The following HDLBP variants were observed in gnomAD, a reference collection of about 807,000 sequenced individuals.
HDLBP encodes the protein vigilin.
Under a neutral mutation model 137.3 loss-of-function variants are expected in HDLBP, and 30 were observed. That is an observed-to-expected ratio of 0.22 (90% CI 0.16 to 0.30). HDLBP has a LOEUF of 0.30. HDLBP is among the 10% of genes least tolerant of loss of function. The pLI, the probability that HDLBP is intolerant of heterozygous loss-of-function variation, is 1.00. For missense variants in HDLBP, 1,119 were observed against 1,667.3 expected (o/e 0.67, Z 5.73); for synonymous variants, 606 against 596.0 (o/e 1.02, Z -0.24).
intron 14 of HDLBP, chr2:241,247,509 A>G: frequency 3.4e-6 from 1 of 291,662 alleles, no homozygotes; most frequent in African/African-American, 2.1e-5. Context: ...GGAGTCCTTC[A>G]CCATCGCCTC....
Position 241,272,534 on chromosome 2 carries a change from G to A in HDLBP, c.-102-3993C>T, listed in dbSNP as rs1475945132. ...CTCCGCGCCACGGCCACGCGCAGAA[G>A]AGACTCGGAGCCGGCCCCAGGTCTG... On this transcript the variant is annotated intron_variant, in intron 1 of 27. Coordinates refer to ENST00000310931, the MANE Select transcript of HDLBP (RefSeq NM_005336.6). The surrounding 1 kb of genome is among the most constrained non-coding windows in gnomAD (Gnocchi z 5.6). 2.0e-6 allele frequency: 2 copies of A among 984,602 alleles called. No individual in the cohort carries two copies. The highest frequency in any genetic ancestry group is 5.2e-4 in the Middle Eastern group (1 of 1,912). The allele number at this position is 984,602 out of a possible 1,614,324, so 61.0% of individuals were successfully genotyped here. A position where few individuals can be genotyped will look rare whatever the true frequency, so the allele number is the denominator to read the frequency against.
chr2:241,305,627 A>G (rs2075543551), intron 1 of HDLBP, among the ~76,000 whole-genome samples: 1 of 152,234 alleles, frequency 6.6e-6, no homozygotes, highest in South Asian at 2.1e-4. Flanking sequence ...GTAGGTCACG[A>G]CAACCACAAA....
At chr2:241,302,522 G>A (rs535969872) in intron 1 of HDLBP, 19 of 152,342 alleles carry the variant, frequency 1.2e-4, no homozygotes, top group Admixed American at 1.2e-3. Context: ...CAGCCTGGGC[G>A]ACAGACTGAG....
intron 21 of HDLBP, 78 bp downstream of exon 21, chr2:241,236,537 C>G (rs138522347): frequency 6.8e-7 from 1 of 1,471,464 alleles, no homozygotes; most frequent in Non-Finnish European, 9.4e-7. Flanking sequence ...CCGTCCATCC[C>G]ATCCAGGCCA....
At chr2:241,232,731 T>G (rs1025927177) in intron 24 of HDLBP, among the ~76,000 whole-genome samples, 3 of 152,030 alleles carry the variant, frequency 2.0e-5, no homozygotes, top group Non-Finnish European at 2.9e-5. Flanking sequence ...CGAGAATCAC[T>G]TCAACCCGGG....
At chr2:241,261,208 A>AAAT (rs1157033185) in intron 5 of HDLBP, among the ~76,000 whole-genome samples, 1 of 151,326 alleles carries the variant, frequency 6.6e-6, no homozygotes, top group African/African-American at 2.4e-5. Context: ...AAAAAAAAAA[A>AAAT]AAAAGGGGGT....
rs2074128490 is a variant in HDLBP, at chr2:241,272,297, G to C, written c.-102-3756C>G. 1.0e-6 allele frequency: 1 copy of C among 981,518 alleles called. No homozygotes were observed. The highest frequency in any genetic ancestry group is 4.7e-5 in the South Asian group (1 of 21,216). The allele number at this position is 981,518 out of a possible 1,614,324, so 60.8% of individuals were successfully genotyped here. On this transcript the variant is annotated intron_variant, in intron 1 of 27. Transcript: ENST00000310931. This position sits in a 1 kb window ranked among gnomAD's most constrained non-coding sequence, Gnocchi z 5.6. Reference sequence around the variant, plus strand: ...CTGGCCTCCCAGGGACCCCCACCCTGGCCGCACACGGCGCCCCCGCCGGAG... The same window carrying C: ...CTGGCCTCCCAGGGACCCCCACCCTCGCCGCACACGGCGCCCCCGCCGGAG...
intron 1 of HDLBP, among the ~76,000 whole-genome samples, chr2:241,309,021 C>T (rs1344004682): frequency 2.0e-5 from 3 of 152,108 alleles, no homozygotes; most frequent in South Asian, 2.1e-4. Flanking sequence ...GTCCTGCCCC[C>T]GTGCTTTTCA....
rs1250106434 is a variant in HDLBP at position 241,315,665 on chromosome 2, C to G, written c.-198G>C. ...CGCCATCTTGGTAAAGGAGAAGAGG[C>G]TACGCTTGACCTCCCCCCCCACCCC... On this transcript the variant is annotated 5_prime_UTR_variant, in exon 1 of 28. Coordinates refer to ENST00000310931, the MANE Select transcript of HDLBP (RefSeq NM_005336.6). 2.0e-5 allele frequency: 3 copies of G among 152,494 alleles called. No homozygotes were observed. Among genetic ancestry groups the G allele is most frequent in the Admixed American group, 2.0e-4 (3 of 15,290 alleles). The allele number at this position is 152,494 out of a possible 1,614,324, so 9.4% of individuals were successfully genotyped here.
At position 241,238,081 on chromosome 2, in the gene HDLBP, T is replaced by C. The variant is rs2070778646; in HGVS notation, c.2749+568A>G. 6.6e-6 allele frequency among the ~76,000 whole-genome samples: 1 copy of C among 152,210 alleles called. No individual in the cohort carries two copies. Among genetic ancestry groups the C allele is most frequent in the South Asian group, 2.1e-4 (1 of 4,826 alleles). On this transcript the variant is annotated intron_variant, in intron 20 of 27. Coordinates refer to ENST00000310931, the MANE Select transcript of HDLBP (RefSeq NM_005336.6). The surrounding 1 kb of genome is among the most constrained non-coding windows in gnomAD (Gnocchi z 4.9). ...CACAGAGTGGAGGGCATACCTTTTG[T>C]TTCACAAATGCAGAGCAAGTGAGAG...
Position 241,239,685 on chromosome 2 carries a change from G to A in HDLBP, c.2527C>T (p.Gln843Ter). Reference sequence around the variant, plus strand: ...CCCTTGAGGGTGACTTTGTCGCTCTGTGTGCCAGAGCGTGGGAAGCTGACC... The same window carrying A: ...CCCTTGAGGGTGACTTTGTCGCTCTATGTGCCAGAGCGTGGGAAGCTGACC... ...VMVSFPRSGT[Q>*]SDKVTLKGAK... Residue 843 changes from glutamine (Q) to a stop codon, truncating the protein, a stop_gained, in exon 19 of 28, where the codon CAG becomes TAG. Transcript: ENST00000310931. LOFTEE classifies it high-confidence loss of function. The surrounding 1 kb of genome is among the most constrained non-coding windows in gnomAD (Gnocchi z 4.6). 6.2e-7 allele frequency: 1 copy of A among 1,614,200 alleles called. No individual in the cohort carries two copies. The highest frequency in any genetic ancestry group is 8.5e-7 in the Non-Finnish European group (1 of 1,180,032).
intron 1 of HDLBP, among the ~76,000 whole-genome samples, chr2:241,311,190 A>C (rs2075747830): frequency 1.3e-5 from 2 of 152,220 alleles, no homozygotes; most frequent in South Asian, 4.1e-4. Flanking sequence ...AAACATAGTC[A>C]CACACAAAGG....
At position 241,230,295 on chromosome 2, in the gene HDLBP, G is replaced by A. The variant is rs867869298; in HGVS notation, c.3475-26C>T. The stretch of plus-strand genomic sequence containing the variant: ...CTGGAAGGGGTGTACAACGTCAGAT[G>A]AGGGGACTCCAAGCGAGGAAAAGGG... On this transcript the variant is annotated intron_variant, in intron 25 of 27. Transcript: ENST00000310931. This position sits in a 1 kb window ranked among gnomAD's most constrained non-coding sequence, Gnocchi z 5.0. The A allele has an allele frequency of 2.2e-6, 3 of 1,376,412 alleles. No homozygotes were observed. Among genetic ancestry groups the A allele is most frequent in the Middle Eastern group, 1.8e-4 (1 of 5,462 alleles). 85.3% of individuals were successfully genotyped at this position (1,376,412 alleles called of 1,614,324 possible).
chr2:241,258,923 C>G (rs961886646), intron 5 of HDLBP, among the ~76,000 whole-genome samples: 1 of 152,130 alleles, frequency 6.6e-6, no homozygotes, highest in African/African-American at 2.4e-5. Flanking sequence ...TCCGATGGCC[C>G]GATTCCACAT....
chr2:241,270,312 C>G (rs1170579131), intron 1 of HDLBP, among the ~76,000 whole-genome samples: 1 of 152,170 alleles, frequency 6.6e-6, no homozygotes, highest in African/African-American at 2.4e-5. Flanking sequence ...AGAAGGCAGA[C>G]CTCCAGAAAA....
chr2:241,265,030 G>A (rs1035658727), intron 3 of HDLBP, among the ~76,000 whole-genome samples: 1 of 152,218 alleles, frequency 6.6e-6, no homozygotes, highest in Non-Finnish European at 1.5e-5. Flanking sequence ...GCAGACCCCT[G>A]CATTTGCAAA....
Position 241,266,793 on chromosome 2 carries a change from C to G in HDLBP, c.76+1G>C. ...GGAAGAGCACATAAAAGGGCTGTCA[C>G]CTTTGATTTGTTGCGGAACCAGCCC... On this transcript the variant is annotated splice_donor_variant, in intron 3 of 27. Coordinates refer to ENST00000310931, the MANE Select transcript of HDLBP (RefSeq NM_005336.6). LOFTEE classifies it high-confidence loss of function. The G allele has an allele frequency of 6.3e-7, 1 of 1,595,616 alleles. No individual in the cohort carries two copies. Among genetic ancestry groups the G allele is most frequent in the Non-Finnish European group, 8.6e-7 (1 of 1,163,092 alleles).
chr2:241,245,460 A>G (rs2071598471), intron 16 of HDLBP, among the ~76,000 whole-genome samples: 1 of 152,170 alleles, frequency 6.6e-6, no homozygotes, highest in Admixed American at 6.5e-5. Context: ...ATTAGTAGAT[A>G]GATTTAATTT....
rs141339854 is a variant in HDLBP, at chr2:241,249,403, C to T, written c.1512+438G>A. ...CTTGGCATAAGCATGTATGAAACGT[C>T]GGGGAGCCCAGAGCAGTGCAGTGCT... is the stretch of plus-strand genomic sequence containing the variant. On this transcript the variant is annotated intron_variant, in intron 12 of 27. Transcript: ENST00000310931. 9.3e-5 allele frequency: 44 copies of T among 474,242 alleles called. No homozygotes were observed. In the East Asian group the frequency reaches 2.7e-3, roughly 29 times the overall value. The allele number at this position is 474,242 out of a possible 1,614,324, so 29.4% of individuals were successfully genotyped here.
Sources: allele counts gnomAD v4.1 joint callset (sites outside exome capture counted in the v4.1 genomes callset), GRCh38; gene constraint gnomAD v4.1.1; non-coding constraint Gnocchi (gnomAD v3.1); transcripts MANE v1.5; gene names NCBI Gene and HGNC (gene_info 2026-07-23, HGNC 2026-07-21).